Variants in STON2 observed in about 807,000 individuals in gnomAD.
STON2 encodes the protein stonin 2.
Under a neutral mutation model 65.7 loss-of-function variants are expected in STON2, and 29 were observed. That is an observed-to-expected ratio of 0.44 (90% CI 0.33 to 0.60). The LOEUF (loss-of-function observed/expected upper bound fraction) is 0.60, where lower values mean the gene tolerates loss of function less well. STON2 is among the 20% of genes least tolerant of loss of function. The pLI is 0.03. For missense variants in STON2, 1,054 were observed against 1,118.1 expected (o/e 0.94, Z 0.82); for synonymous variants, 404 against 414.2 (o/e 0.98, Z 0.30).
intron 2 of STON2, among the ~76,000 whole-genome samples, chr14:81,417,188 T>C (rs1264395024): frequency 1.3e-5 from 2 of 152,164 alleles, no homozygotes; most frequent in African/African-American, 2.4e-5. Flanking sequence ...CACAGCACTG[T>C]GTTGCACAAC....
chr14:81,345,265 AC>A (rs1897767792), intron 4 of STON2, among the ~76,000 whole-genome samples: 1 of 152,184 alleles, frequency 6.6e-6, no homozygotes, highest in Non-Finnish European at 1.5e-5. Context: ...CAGAATTGTG[AC>A]TGTATCATAC....
intron 2 of STON2, among the ~76,000 whole-genome samples, chr14:81,413,995 C>G (rs1223851661): frequency 7.3e-6 from 1 of 137,624 alleles, no homozygotes; most frequent in Non-Finnish European, 1.5e-5. Flanking sequence ...ATAATGATGG[C>G]CAGAGTCTGG....
In STON2 at chr14:81,275,574, G is replaced by A. The variant is rs76969046; in HGVS notation, c.2581+1327C>T. The stretch of plus-strand genomic sequence containing the variant: ...AGTTACAGTGCTACCACCAGCAGAA[G>A]ACAGTGCTGATTTCAGGGGAAATGA... On this transcript the variant is annotated intron_variant, in intron 6 of 7. Coordinates refer to ENST00000614646, the MANE Select transcript of STON2 (RefSeq NM_001394390.1). 9.8e-3 allele frequency among the ~76,000 whole-genome samples: 1,492 copies of A among 152,218 alleles called. 26 individuals are homozygous for A. The highest frequency in any genetic ancestry group is 0.034 in the African/African-American group (1,432 of 41,522).
At chr14:81,340,174 C>T (rs1387972595) in intron 4 of STON2, among the ~76,000 whole-genome samples, 2 of 152,048 alleles carry the variant, frequency 1.3e-5, no homozygotes, top group Non-Finnish European at 2.9e-5. Context: ...AATAAATAAG[C>T]TGAGTAAAAG....
At chr14:81,328,683 G>A (rs1479586535) in intron 4 of STON2, among the ~76,000 whole-genome samples, 2 of 152,182 alleles carry the variant, frequency 1.3e-5, no homozygotes, top group African/African-American at 4.8e-5. Flanking sequence ...AATGGGGGAT[G>A]TATGGGTAAT....
chr14:81,322,109 C>T (rs899433228), intron 5 of STON2, among the ~76,000 whole-genome samples: 15 of 152,166 alleles, frequency 9.9e-5, no homozygotes, highest in African/African-American at 3.6e-4. Flanking sequence ...TCTTCTTCCA[C>T]CTCTTGAATT....
At chr14:81,416,936 C>G (rs960706488) in intron 2 of STON2, among the ~76,000 whole-genome samples, 1 of 152,218 alleles carries the variant, frequency 6.6e-6, no homozygotes, top group African/African-American at 2.4e-5. Flanking sequence ...CCACAAATCT[C>G]AAGCTTGGTG....
chr14:81,408,941 T>G (rs1901010713), intron 2 of STON2, among the ~76,000 whole-genome samples: 1 of 152,218 alleles, frequency 6.6e-6, no homozygotes, highest in Non-Finnish European at 1.5e-5. Flanking sequence ...TACTCCATCT[T>G]GGTACATTCA....
rs901460782 is a variant in STON2, at chr14:81,260,892, G to T, written c.*7522C>A. The T allele has an allele frequency of 2.6e-5, 4 of 152,092 alleles. No homozygotes were observed. Among genetic ancestry groups the T allele is most frequent in the Admixed American group, 2.6e-4 (4 of 15,270 alleles). 9.4% of individuals were successfully genotyped at this position (152,092 alleles called of 1,614,324 possible). On this transcript the variant is annotated 3_prime_UTR_variant, in exon 8 of 8. Transcript: ENST00000614646. ...TGAATGATGGAAAATGTAAGGCTTGGAACAGCTGAATCATTCACTGGATCT... is the reference window on the plus strand; with the variant it reads ...TGAATGATGGAAAATGTAAGGCTTGTAACAGCTGAATCATTCACTGGATCT...
intron 4 of STON2, among the ~76,000 whole-genome samples, chr14:81,343,607 A>G (rs1293238803): frequency 6.6e-6 from 1 of 152,256 alleles, no homozygotes; most frequent in East Asian, 1.9e-4. Context: ...AGCCAAGGAT[A>G]TCAAATGAAA....
intron 2 of STON2, among the ~76,000 whole-genome samples, chr14:81,420,785 T>C (rs1011592047): frequency 6.6e-6 from 1 of 152,204 alleles, no homozygotes; most frequent in Non-Finnish European, 1.5e-5. Context: ...AAATGGTCAA[T>C]AAGAGGGTAC....
At chr14:81,325,773 A>G (rs1352055771) in intron 4 of STON2, among the ~76,000 whole-genome samples, 1 of 152,184 alleles carries the variant, frequency 6.6e-6, no homozygotes, top group Non-Finnish European at 1.5e-5. Flanking sequence ...AAGAAAAGTA[A>G]AAGTTAGGTC....
intron 5 of STON2, among the ~76,000 whole-genome samples, chr14:81,300,130 T>C (rs1895915048): frequency 6.6e-6 from 1 of 152,020 alleles, no homozygotes; most frequent in Non-Finnish European, 1.5e-5. Flanking sequence ...ATGAAGAGTG[T>C]AGAAGTGGAC....
intron 2 of STON2, among the ~76,000 whole-genome samples, chr14:81,415,689 AAT>A (rs1491311345): frequency 2.0e-5 from 3 of 151,580 alleles, no homozygotes; most frequent in East Asian, 1.9e-4. Context: ...AAAAAAAAAA[AAT>A]CTATTGTAAT....
upstream of STON2, among the ~76,000 whole-genome samples, chr14:81,401,452 G>T (rs1900610146): frequency 6.6e-6 from 1 of 152,068 alleles, no homozygotes; most frequent in Non-Finnish European, 1.5e-5. Context: ...TCCATAAAAT[G>T]GATTTTAGGT....
chr14:81,313,794 CAA>C (rs1458066137), intron 5 of STON2, among the ~76,000 whole-genome samples: 10 of 98,496 alleles, frequency 1.0e-4, no homozygotes, highest in East Asian at 2.9e-4. Flanking sequence ...GACTCCGTCT[CAA>C]AAAAAAAAAA....
chr14:81,290,785 G>C (rs2052881), intron 5 of STON2, among the ~76,000 whole-genome samples: 41 of 152,174 alleles, frequency 2.7e-4, no homozygotes, highest in African/African-American at 9.4e-4. Flanking sequence ...ATTTGGAGTT[G>C]GTAATTTGAT....
In STON2 at chr14:81,278,100, T is replaced by C. The variant is rs763453227; in HGVS notation, c.1382A>G (p.Asp461Gly). Residue 461 changes from aspartate (D) to glycine (G), a missense_variant, in exon 6 of 8, where the codon GAT (aspartate) becomes GGT (glycine). Coordinates refer to ENST00000614646, the MANE Select transcript of STON2 (RefSeq NM_001394390.1). ...DHFGSATLPD[D>G]DPVAWIELDA... ...TAGTTCAATCCAGGCTACTGGGTCATCATCAGGTAGAGTTGCACTGCCAAA... is the reference window on the plus strand; with the variant it reads ...TAGTTCAATCCAGGCTACTGGGTCACCATCAGGTAGAGTTGCACTGCCAAA... 2 of 1,614,186 alleles carry C rather than the reference T, an allele frequency of 1.2e-6. No individual in the cohort carries two copies. Among genetic ancestry groups the C allele is most frequent in the South Asian group, 2.2e-5 (2 of 91,082 alleles).
In STON2 at chr14:81,396,137, C is replaced by A; in HGVS notation, c.130G>T (p.Asp44Tyr). Residue 44 changes from aspartate (D) to tyrosine (Y), a missense_variant, in exon 3 of 8, where the codon GAC becomes TAC. Physicochemically the swap from Asp to Tyr is radical, Grantham distance 160. Coordinates refer to ENST00000614646, the MANE Select transcript of STON2 (RefSeq NM_001394390.1). ...EHLPGLSSSP[D>Y]QSESSSGENH... The stretch of plus-strand genomic sequence containing the variant: ...TCCCCGGAGGAGCTCTCGGACTGGT[C>A]TGGGGAAGATGACAGTCCTGGGAGG... The A allele has an allele frequency of 6.2e-7, 1 of 1,613,966 alleles. No individual in the cohort carries two copies. The highest frequency in any genetic ancestry group is 8.5e-7 in the Non-Finnish European group (1 of 1,179,948).
Sources: allele counts gnomAD v4.1 joint callset (sites outside exome capture counted in the v4.1 genomes callset), GRCh38; gene constraint gnomAD v4.1.1; transcripts MANE v1.5; gene names NCBI Gene and HGNC (gene_info 2026-07-23, HGNC 2026-07-21).